INPP4B: variants seen among roughly 807,000 people sequenced by gnomAD.
INPP4B encodes inositol polyphosphate-4-phosphatase type II B.
INPP4B carries 55 observed loss-of-function variants against 122.5 expected under a neutral mutation model. The ratio of observed to expected loss-of-function variants is 0.45; its 90% confidence interval spans 0.36 to 0.56. INPP4B has a LOEUF of 0.56. Among genes scored for constraint, INPP4B ranks in the 20% least tolerant of loss-of-function variants. INPP4B has a pLI of 0.00. For missense variants in INPP4B, 1,000 were observed against 1,097.7 expected (o/e 0.91, Z 1.26); for synonymous variants, 403 against 388.7 (o/e 1.04, Z -0.43).
intron 7 of INPP4B, among the ~76,000 whole-genome samples, chr4:142,380,245 T>G (rs1421877847): frequency 1.3e-5 from 2 of 152,212 alleles, no homozygotes; most frequent in Non-Finnish European, 2.9e-5. Context: ...CCCTTTAAAG[T>G]TTCCCCTAGT....
At chr4:142,689,483 A>G (rs1197684055) in intron 2 of INPP4B, among the ~76,000 whole-genome samples, 1 of 152,228 alleles carries the variant, frequency 6.6e-6, no homozygotes, top group East Asian at 1.9e-4. Context: ...AGTGATTTCA[A>G]CAATCAGTGC....
intron 2 of INPP4B, among the ~76,000 whole-genome samples, chr4:142,534,778 T>C (rs1828001933): frequency 6.6e-6 from 1 of 151,764 alleles, no homozygotes; most frequent in East Asian, 1.9e-4. Context: ...TTCTGTACTC[T>C]CTGTACTCAA....
At chr4:142,716,696 G>A (rs1763818050) in intron 2 of INPP4B, among the ~76,000 whole-genome samples, 2 of 152,222 alleles carry the variant, frequency 1.3e-5, no homozygotes, top group African/African-American at 4.8e-5. Context: ...GTCTACATTA[G>A]CAGCAAGTAT....
Position 142,123,287 on chromosome 4 carries a change from C to T in INPP4B, c.2017+5G>A, listed in dbSNP as rs1797343108. The T allele has an allele frequency of 6.3e-7, 1 of 1,586,532 alleles. No individual in the cohort carries two copies. The highest frequency in any genetic ancestry group is 1.4e-5 in the African/African-American group (1 of 73,946). Reference sequence around the variant, plus strand: ...GATTTTAACTTGTACTAAAGCAATACTCACTGTATGTACTTAGCAGTCCTT... The same window carrying T: ...GATTTTAACTTGTACTAAAGCAATATTCACTGTATGTACTTAGCAGTCCTT... On this transcript the variant is annotated splice_donor_5th_base_variant and intron_variant, in intron 20 of 25. Coordinates refer to ENST00000262992, the MANE Select transcript of INPP4B (RefSeq NM_001101669.3).
intron 1 of INPP4B, among the ~76,000 whole-genome samples, chr4:142,812,783 G>A (rs1053331236): frequency 6.6e-6 from 1 of 152,130 alleles, no homozygotes; most frequent in South Asian, 2.1e-4. Flanking sequence ...ACTCTAGGAT[G>A]ATAGAATTTC....
At chr4:142,558,171 T>C (rs1415312095) in intron 2 of INPP4B, among the ~76,000 whole-genome samples, 1 of 152,214 alleles carries the variant, frequency 6.6e-6, no homozygotes, top group African/African-American at 2.4e-5. Flanking sequence ...CTCATCATGG[T>C]ATCATTCCTC....
chr4:142,187,370 A>G (rs1907126), intron 15 of INPP4B, among the ~76,000 whole-genome samples: 151,150 of 152,182 alleles, frequency 0.99, 75,069 homozygotes, highest in East Asian at 1. Flanking sequence ...GAAAATGAAT[A>G]GGAGATAAAT....
At chr4:142,655,083 CAG>C (rs1398769603) in intron 2 of INPP4B, among the ~76,000 whole-genome samples, 10 of 152,314 alleles carry the variant, frequency 6.6e-5, no homozygotes, top group African/African-American at 2.2e-4. Flanking sequence ...ATCTAGAATT[CAG>C]AGTTTCTGTC....
At chr4:142,756,566 T>C (rs1179334828) in intron 1 of INPP4B, among the ~76,000 whole-genome samples, 1 of 151,930 alleles carries the variant, frequency 6.6e-6, no homozygotes, top group Non-Finnish European at 1.5e-5. Context: ...CTCTATCAGC[T>C]CCAAACTCTG....
At chr4:142,622,572 A>G (rs1745197668) in intron 2 of INPP4B, among the ~76,000 whole-genome samples, 1 of 151,942 alleles carries the variant, frequency 6.6e-6, no homozygotes. Flanking sequence ...GGAGAAGGAG[A>G]AAAAAATATC....
chr4:142,189,515 A>C (rs372565650), intron 15 of INPP4B, among the ~76,000 whole-genome samples: 4 of 152,208 alleles, frequency 2.6e-5, no homozygotes, highest in Admixed American at 6.5e-5. Flanking sequence ...GAGAAGCAAA[A>C]GTAAAATATT....
At chr4:142,073,939 T>C (rs1397725484) in intron 25 of INPP4B, among the ~76,000 whole-genome samples, 3 of 151,972 alleles carry the variant, frequency 2.0e-5, no homozygotes, top group Non-Finnish European at 4.4e-5. Context: ...TAATCAACTG[T>C]AGGTTTTTGT....
intron 7 of INPP4B, among the ~76,000 whole-genome samples, chr4:142,348,706 T>C (rs768081789): frequency 2.0e-5 from 3 of 152,048 alleles, no homozygotes; most frequent in Non-Finnish European, 2.9e-5. Context: ...CTCAGAGCAA[T>C]GATTGTCTAA....
intron 1 of INPP4B, among the ~76,000 whole-genome samples, chr4:142,840,993 A>G (rs928503184): frequency 3.3e-5 from 5 of 152,052 alleles, no homozygotes; most frequent in African/African-American, 1.2e-4. Context: ...CTTTTTAAAA[A>G]CAAAGTGATT....
At chr4:142,563,668 T>C (rs1439537282) in intron 2 of INPP4B, among the ~76,000 whole-genome samples, 1 of 152,200 alleles carries the variant, frequency 6.6e-6, no homozygotes, top group Non-Finnish European at 1.5e-5. Context: ...TGGGGTGGTG[T>C]TGGGACTTGC....
At chr4:142,528,933 T>C (rs1169674794) in intron 2 of INPP4B, among the ~76,000 whole-genome samples, 1 of 152,096 alleles carries the variant, frequency 6.6e-6, no homozygotes, top group Non-Finnish European at 1.5e-5. Flanking sequence ...AATTACAGAA[T>C]TTGAATATTT....
chr4:142,636,701 T>C (rs937901766), intron 2 of INPP4B, among the ~76,000 whole-genome samples: 2 of 152,092 alleles, frequency 1.3e-5, no homozygotes, highest in Admixed American at 1.3e-4. Context: ...ATATGGATTA[T>C]CTAAACCTTA....
chr4:142,325,785 C>T (rs947006763), intron 7 of INPP4B, among the ~76,000 whole-genome samples: 2 of 152,194 alleles, frequency 1.3e-5, no homozygotes, highest in Non-Finnish European at 2.9e-5. Flanking sequence ...CTAAATTCTA[C>T]CAGTCATACA....
intron 3 of INPP4B, among the ~76,000 whole-genome samples, chr4:142,442,867 GA>G (rs1812116867): frequency 6.6e-6 from 1 of 152,166 alleles, no homozygotes; most frequent in Non-Finnish European, 1.5e-5. Context: ...TACAGCTGGG[GA>G]GGCTTCACAA....
Sources: allele counts gnomAD v4.1 joint callset (sites outside exome capture counted in the v4.1 genomes callset), GRCh38; gene constraint gnomAD v4.1.1; transcripts MANE v1.5; gene names NCBI Gene and HGNC (gene_info 2026-07-23, HGNC 2026-07-21).